The following GNAQ variants were observed in gnomAD, a reference collection of about 807,000 sequenced individuals.
The protein encoded by GNAQ is guanine nucleotide-binding protein G(q) subunit alpha.
GNAQ carries 8 observed loss-of-function variants against 43.9 expected under a neutral mutation model. The observed-to-expected ratio is 0.18, with a 90% CI of 0.11 to 0.33. The LOEUF is 0.33. GNAQ is among the 10% of genes least tolerant of loss of function. The pLI is 1.00. For missense variants in GNAQ, 158 were observed against 450.8 expected (o/e 0.35, Z 5.88); for synonymous variants, 155 against 170.7 (o/e 0.91, Z 0.71).
At chr9:77,814,221 C>G (rs538972289) in intron 3 of GNAQ, among the ~76,000 whole-genome samples, 1 of 151,904 alleles carries the variant, frequency 6.6e-6, no homozygotes. Flanking sequence ...TCTGTACTCA[C>G]AGAAACTTAT....
intron 2 of GNAQ, among the ~76,000 whole-genome samples, chr9:77,820,916 T>C (rs1389593244): frequency 6.6e-6 from 1 of 152,198 alleles, no homozygotes; most frequent in African/African-American, 2.4e-5. Flanking sequence ...AAATGCCTAG[T>C]ACAAAATATT....
chr9:77,760,356 G>A (rs1255633974), intron 5 of GNAQ, among the ~76,000 whole-genome samples: 4 of 152,096 alleles, frequency 2.6e-5, no homozygotes, highest in African/African-American at 7.2e-5. Flanking sequence ...GCAGGCGCGC[G>A]CCGCCACGCC....
chr9:77,940,742 C>T lies in GNAQ; in HGVS notation c.137-18397G>A, dbSNP rs556347055. 6.6e-3 allele frequency among the ~76,000 whole-genome samples: 1,008 copies of T among 152,102 alleles called. 1 individual carries two copies. The highest frequency in any genetic ancestry group is 0.014 in the African/African-American group (583 of 41,520). On this transcript the variant is annotated intron_variant, in intron 1 of 6. Transcript: ENST00000286548. The stretch of plus-strand genomic sequence containing the variant: ...CAGCACTTTGGGAGGCCGAGGCAGG[C>T]GGATCACGAGGTCAGGAGATCGAGA...
At chr9:77,977,760 TCTTTC>T (rs1823322656) in intron 1 of GNAQ, among the ~76,000 whole-genome samples, 1 of 152,186 alleles carries the variant, frequency 6.6e-6, no homozygotes, top group African/African-American at 2.4e-5. Flanking sequence ...CTAGTGGGGT[TCTTTC>T]CTTTATGTTT....
At chr9:77,881,749 C>T (rs1308385291) in intron 2 of GNAQ, among the ~76,000 whole-genome samples, 1 of 152,160 alleles carries the variant, frequency 6.6e-6, no homozygotes, top group Non-Finnish European at 1.5e-5. Context: ...AATTCTTGTC[C>T]TTCATTGAGT....
chr9:77,796,523 T>C (rs1826661544), intron 4 of GNAQ, among the ~76,000 whole-genome samples: 1 of 152,214 alleles, frequency 6.6e-6, no homozygotes, highest in Admixed American at 6.5e-5. Flanking sequence ...AGTACATCAG[T>C]ATTGTTTATT....
chr9:77,993,419 C>G (rs1823532668), intron 1 of GNAQ, among the ~76,000 whole-genome samples: 1 of 152,134 alleles, frequency 6.6e-6, no homozygotes, highest in African/African-American at 2.4e-5. Context: ...TGCAGATAGG[C>G]CAGGCGCGGT....
intron 5 of GNAQ, among the ~76,000 whole-genome samples, chr9:77,755,728 T>C (rs190205778): frequency 6.6e-6 from 1 of 152,358 alleles, no homozygotes; most frequent in African/African-American, 2.4e-5. Flanking sequence ...TCCGGTTGTA[T>C]GAAGGAGAGT....
At chr9:77,855,890 C>A (rs1827746612) in intron 2 of GNAQ, among the ~76,000 whole-genome samples, 1 of 151,834 alleles carries the variant, frequency 6.6e-6, no homozygotes, top group Admixed American at 6.6e-5. Flanking sequence ...TAATTTAGTT[C>A]TTATATTTTA....
chr9:77,744,324 T>C (rs1041287722), intron 5 of GNAQ, among the ~76,000 whole-genome samples: 5 of 152,326 alleles, frequency 3.3e-5, no homozygotes, highest in Non-Finnish European at 7.3e-5. Context: ...TCACATTATT[T>C]GACTGCATGC....
intron 2 of GNAQ, among the ~76,000 whole-genome samples, chr9:77,860,854 C>G (rs1827838732): frequency 6.6e-6 from 1 of 152,202 alleles, no homozygotes; most frequent in Non-Finnish European, 1.5e-5. Context: ...GCAACAAACT[C>G]TCCTTATCTC....
chr9:77,759,124 A>G (rs1261844069), intron 5 of GNAQ, among the ~76,000 whole-genome samples: 1 of 152,210 alleles, frequency 6.6e-6, no homozygotes, highest in Non-Finnish European at 1.5e-5. Context: ...GTGAAAAGAA[A>G]TATTTCTGAT....
rs537121518 is a variant in GNAQ, at chr9:78,024,747, A to G, written c.136+6353T>C. 2.0e-5 allele frequency among the ~76,000 whole-genome samples: 3 copies of G among 152,288 alleles called. No homozygotes were observed. The South Asian group carries it at 6.2e-4, about 32-fold the overall frequency. ...AAATAAGACATAAGGAGCATCTCACACAGCACATTATTTGGCACATAGTAG... is the reference window on the plus strand; with the variant it reads ...AAATAAGACATAAGGAGCATCTCACGCAGCACATTATTTGGCACATAGTAG... On this transcript the variant is annotated intron_variant, in intron 1 of 6. Coordinates refer to ENST00000286548, the MANE Select transcript of GNAQ (RefSeq NM_002072.5).
At chr9:77,722,581 C>T (rs1825333996) in intron 6 of GNAQ, among the ~76,000 whole-genome samples, 4 of 150,876 alleles carry the variant, frequency 2.7e-5, no homozygotes, top group African/African-American at 7.3e-5. Flanking sequence ...CACCACAGCA[C>T]AGGTCATATT....
At chr9:77,916,351 T>C (rs1027491861) in intron 2 of GNAQ, among the ~76,000 whole-genome samples, 3 of 152,232 alleles carry the variant, frequency 2.0e-5, no homozygotes, top group African/African-American at 7.2e-5. Context: ...CCTTTTGGCA[T>C]TTTGTAAACT....
intron 1 of GNAQ, among the ~76,000 whole-genome samples, chr9:77,984,044 G>T (rs1453600257): frequency 1.4e-5 from 1 of 70,982 alleles, no homozygotes. Flanking sequence ...TAGAATTTTG[G>T]AGAGCAAAAA....
At chr9:77,797,961 T>C (rs1174202416) in intron 3 of GNAQ, among the ~76,000 whole-genome samples, 1 of 152,254 alleles carries the variant, frequency 6.6e-6, no homozygotes, top group Non-Finnish European at 1.5e-5. Flanking sequence ...TCTACTTGTT[T>C]AGTAGGTTTG....
At chr9:77,976,079 G>A (rs1399277689) in intron 1 of GNAQ, among the ~76,000 whole-genome samples, 3 of 152,198 alleles carry the variant, frequency 2.0e-5, no homozygotes, top group East Asian at 3.9e-4. Flanking sequence ...CCAGTTTGAG[G>A]TTCACTGACA....
rs2118633116 is a variant in GNAQ at position 78,031,330 on chromosome 9, G to A, written c.-95C>T. ...CCCTCGCTCCCCCGAGGCAGCGGTG[G>A]CCGCCGAGCCCCCGCCGCCCGGGCG... On this transcript the variant is annotated 5_prime_UTR_variant, in exon 1 of 7. Transcript: ENST00000286548. 3 of 1,018,670 alleles carry A rather than the reference G, an allele frequency of 2.9e-6. No individual in the cohort carries two copies. The highest frequency in any genetic ancestry group is 3.8e-6 in the Non-Finnish European group (3 of 790,252). 63.1% of individuals were successfully genotyped at this position (1,018,670 alleles called of 1,614,324 possible). A position where few individuals can be genotyped will look rare whatever the true frequency, so the allele number is the denominator to read the frequency against.
Sources: gnomAD v4.1 joint callset for allele counts (sites outside exome capture counted in the v4.1 genomes callset) on GRCh38, gnomAD v4.1.1 for gene constraint, MANE v1.5 for transcripts, NCBI Gene and HGNC (gene_info 2026-07-23, HGNC 2026-07-21) for gene names.